EDRF1: variants seen among roughly 807,000 people sequenced by gnomAD.
The protein encoded by EDRF1 is erythroid differentiation-related factor 1.
EDRF1 carries 69 observed loss-of-function variants against 148.7 expected under a neutral mutation model. That is an observed-to-expected ratio of 0.46 (90% CI 0.38 to 0.57). The LOEUF is 0.57. Among genes scored for constraint, EDRF1 ranks in the 20% least tolerant of loss-of-function variants. EDRF1 has a pLI of 0.00. For synonymous variants in EDRF1, 515 were observed against 532.8 expected, an observed-to-expected ratio of 0.97 and a Z score of 0.46; for missense variants, 1,118 against 1,478.7, an observed-to-expected ratio of 0.76 and a Z score of 4.00.
At chr10:125,738,110 T>C (rs543395299) in intron 14 of EDRF1, 121 bp downstream of exon 14, 1 of 1,348,506 alleles carries the variant, frequency 7.4e-7, no homozygotes, top group Admixed American at 1.7e-5. Context: ...TTTTTTTTCC[T>C]TAAGCATAAA....
chr10:125,728,301 A>G (rs150602781), intron 6 of EDRF1, among the ~76,000 whole-genome samples: 12 of 152,162 alleles, frequency 7.9e-5, no homozygotes, highest in Non-Finnish European at 1.5e-4. Context: ...AGATTTTTCT[A>G]TTGCAGGATT....
At position 125,725,299 on chromosome 10, in the gene EDRF1, T is replaced by C. The variant is rs1848204148; in HGVS notation, c.511-19T>C. ...GACTATGTGTGTTGTATTAATAATATGTATCTCATGTTATCCAGACTGGTG... is the reference window on the plus strand; with the variant it reads ...GACTATGTGTGTTGTATTAATAATACGTATCTCATGTTATCCAGACTGGTG... On this transcript the variant is annotated intron_variant, in intron 4 of 24. Coordinates refer to ENST00000356792, the MANE Select transcript of EDRF1 (RefSeq NM_001202438.2). 6.2e-7 allele frequency: 1 copy of C among 1,613,810 alleles called. No homozygotes were observed. The highest frequency in any genetic ancestry group is 1.3e-5 in the African/African-American group (1 of 75,040).
Position 125,735,757 on chromosome 10 carries a change from AGAG to A in EDRF1, c.1617_1619del (p.Glu541del). ...AGAATTCTGATGAAAGTTATAGTGA[AGAG>A]GAGGAAGAGATGCCCGACAGTGATG... On this transcript the variant is annotated inframe_deletion, in exon 13 of 25. Coordinates refer to ENST00000356792, the MANE Select transcript of EDRF1 (RefSeq NM_001202438.2). 1 of 1,613,856 alleles carries A rather than the reference AGAG, an allele frequency of 6.2e-7. No homozygotes were observed. The highest frequency in any genetic ancestry group is 8.5e-7 in the Non-Finnish European group (1 of 1,179,816).
rs1386464417 is a variant in EDRF1 at position 125,741,155 on chromosome 10, A to C, written c.2325A>C (p.Glu775Asp). 6.2e-7 allele frequency: 1 copy of C among 1,614,254 alleles called. No individual in the cohort carries two copies. The highest frequency in any genetic ancestry group is 8.5e-7 in the Non-Finnish European group (1 of 1,180,052). ...HLEEFHYQTK[E>D]DQEILHSLHR... ...AAGAGTTTCATTACCAAACAAAAGAAGACCAGGAGATCCTGCATAGCCTTC... is the reference window on the plus strand; with the variant it reads ...AAGAGTTTCATTACCAAACAAAAGACGACCAGGAGATCCTGCATAGCCTTC... Residue 775 changes from glutamate (E) to aspartate (D), a missense_variant, in exon 17 of 25, where the codon GAA becomes GAC. By Grantham distance (45) the Glu-to-Asp change is conservative (BLOSUM62 2). This residue lies in a region of EDRF1 where 954 missense variants were observed against 1,241.4 expected (regional missense o/e 0.77). Transcript: ENST00000356792.
At chr10:125,732,024 G>A in intron 9 of EDRF1, 1 of 302,880 alleles carries the variant, frequency 3.3e-6, no homozygotes, top group Non-Finnish European at 7.3e-6. Context: ...TTCCAACCCA[G>A]TGATTCTTAA....
chr10:125,752,539 G>A (rs1849694937), intron 22 of EDRF1, among the ~76,000 whole-genome samples: 1 of 152,178 alleles, frequency 6.6e-6, no homozygotes, highest in Non-Finnish European at 1.5e-5. Context: ...TTTTCCTAAG[G>A]CTCCTGTTCT....
At chr10:125,724,173 G>A (rs993608796) in intron 4 of EDRF1, among the ~76,000 whole-genome samples, 1 of 152,122 alleles carries the variant, frequency 6.6e-6, no homozygotes, top group South Asian at 2.1e-4. Context: ...CAAGAAAAAA[G>A]ATGAAGCCAA....
intron 22 of EDRF1, 190 bp downstream of exon 22, chr10:125,749,755 G>A (rs1022047301): frequency 3.0e-6 from 2 of 658,974 alleles, no homozygotes; most frequent in Admixed American, 2.4e-5. Flanking sequence ...TTAGAGGAAT[G>A]TATTAGATTA....
In EDRF1 at chr10:125,762,878, C is replaced by T. The variant is rs533691324; in HGVS notation, c.3546-423C>T. On this transcript the variant is annotated intron_variant, in intron 24 of 24. Coordinates refer to ENST00000356792, the MANE Select transcript of EDRF1 (RefSeq NM_001202438.2). Reference sequence around the variant, plus strand: ...GCATAGCTCCTTCTGTGCCCTCACCCGGCTCCACTGCATTTTCTTCATGGC... The same window carrying T: ...GCATAGCTCCTTCTGTGCCCTCACCTGGCTCCACTGCATTTTCTTCATGGC... Among the ~76,000 whole-genome samples the T allele has an allele frequency of 2.4e-4, 37 of 152,244 alleles. 1 individual carries two copies. The highest frequency in any genetic ancestry group is 2.3e-3 in the South Asian group (11 of 4,828).
intron 6 of EDRF1, 110 bp downstream of exon 6, chr10:125,725,948 C>A: frequency 8.2e-7 from 1 of 1,214,184 alleles, no homozygotes; most frequent in South Asian, 1.4e-5. Flanking sequence ...ATTCTGTCAG[C>A]TTATGGAATG....
At position 125,743,285 on chromosome 10, in the gene EDRF1, C is replaced by T. The variant is rs201475864; in HGVS notation, c.2590+9C>T. ...ACAGAGTGAGAGACTAGGTGAGTAT[C>T]TCTTTAGATTCCTCTCTATTGCTTG... On this transcript the variant is annotated intron_variant, in intron 18 of 24. Coordinates refer to ENST00000356792, the MANE Select transcript of EDRF1 (RefSeq NM_001202438.2). 429 of 1,605,366 alleles carry T rather than the reference C, an allele frequency of 2.7e-4. No homozygotes were observed. Among genetic ancestry groups the T allele is most frequent in the Non-Finnish European group, 3.5e-4 (406 of 1,172,514 alleles).
At position 125,725,228 on chromosome 10, in the gene EDRF1, A is replaced by G. The variant is rs1475618162; in HGVS notation, c.511-90A>G. The G allele has an allele frequency of 4.0e-6, 6 of 1,496,516 alleles. No homozygotes were observed. The East Asian group carries it at 1.1e-4, about 28-fold the overall frequency. The allele number at this position is 1,496,516 out of a possible 1,614,324, so 92.7% of individuals were successfully genotyped here. A position where few individuals can be genotyped will look rare whatever the true frequency, so the allele number is the denominator to read the frequency against. On this transcript the variant is annotated intron_variant, in intron 4 of 24. Coordinates refer to ENST00000356792, the MANE Select transcript of EDRF1 (RefSeq NM_001202438.2). ...ATGTGTTTATGAAACTATTCAAAAA[A>G]TAATAGGAGCCTTTTCTGTAAGCTA...
chr10:125,737,997 TAA>T lies in EDRF1; in HGVS notation c.1830+9_1830+10del, dbSNP rs1349087141. 65 of 1,613,288 alleles carry T rather than the reference TAA, an allele frequency of 4.0e-5. No individual in the cohort carries two copies. Among genetic ancestry groups the T allele is most frequent in the Non-Finnish European group, 5.4e-5 (64 of 1,179,382 alleles). On this transcript the variant is annotated intron_variant, in intron 14 of 24. Coordinates refer to ENST00000356792, the MANE Select transcript of EDRF1 (RefSeq NM_001202438.2). ...CTTAGCTATGTTCTAGAGGTAAGTT[TAA>T]GTTTAGTCTTCACTTTTTTCGTAAA...
At chr10:125,720,975 G>A (rs1306542432) in intron 1 of EDRF1, among the ~76,000 whole-genome samples, 1 of 152,164 alleles carries the variant, frequency 6.6e-6, no homozygotes, top group African/African-American at 2.4e-5. Flanking sequence ...TTTTCTAGCT[G>A]ATAACCATAA....
intron 22 of EDRF1, among the ~76,000 whole-genome samples, chr10:125,752,286 G>C (rs1849684312): frequency 6.6e-6 from 1 of 152,214 alleles, no homozygotes; most frequent in East Asian, 1.9e-4. Context: ...ACACAATTGA[G>C]TTCTAGGAGA....
intron 21 of EDRF1, chr10:125,748,217 G>C: frequency 3.1e-6 from 2 of 637,606 alleles, no homozygotes; most frequent in South Asian, 3.7e-5. Context: ...TTGAGCATGG[G>C]AAAACGAATC....
intron 2 of EDRF1, among the ~76,000 whole-genome samples, chr10:125,721,860 C>T (rs1202662388): frequency 6.6e-6 from 1 of 152,194 alleles, no homozygotes; most frequent in Non-Finnish European, 1.5e-5. Flanking sequence ...GTGACCTACA[C>T]CTTGACTTTG....
intron 17 of EDRF1, chr10:125,742,774 T>G: frequency 2.0e-6 from 2 of 984,926 alleles, no homozygotes; most frequent in South Asian, 4.7e-5. Flanking sequence ...TTAGGTCCAT[T>G]CTAATAAACA....
intron 14 of EDRF1, 121 bp downstream of exon 14, chr10:125,738,110 T>G (rs543395299): frequency 1.5e-4 from 205 of 1,348,386 alleles, no homozygotes; most frequent in Non-Finnish European, 1.8e-4. Context: ...TTTTTTTTCC[T>G]TAAGCATAAA....
Sources: allele counts gnomAD v4.1 joint callset (sites outside exome capture counted in the v4.1 genomes callset), GRCh38; gene constraint gnomAD v4.1.1; regional missense constraint gnomAD v4.1.1; transcripts MANE v1.5; gene names NCBI Gene and HGNC (gene_info 2026-07-23, HGNC 2026-07-21).